SDK1: variants seen among roughly 807,000 people sequenced by gnomAD.
SDK1 encodes the protein sidekick cell adhesion molecule 1.
In SDK1, 157 loss-of-function variants were observed where a neutral mutation model predicts 245.5. The ratio of observed to expected loss-of-function variants is 0.64; its 90% CI spans 0.56 to 0.73. The LOEUF is 0.73. Ranked by LOEUF, SDK1 falls within the 30% of genes least tolerant of loss-of-function variation. The pLI is 0.00. For missense variants in SDK1, 3,583 were observed against 3,002.3 expected, an observed-to-expected ratio of 1.19 and a Z score of -4.52; for synonymous variants, 1,647 against 1,278.5, an observed-to-expected ratio of 1.29 and a Z score of -6.15.
intron 4 of SDK1, among the ~76,000 whole-genome samples, chr7:3,768,251 C>G (rs1052619178): frequency 2.6e-5 from 4 of 152,184 alleles, no homozygotes; most frequent in Non-Finnish European, 5.9e-5. Context: ...TAAGTTGCAA[C>G]AGAAAAACTG....
At chr7:3,653,075 G>T (rs543314070) in intron 4 of SDK1, among the ~76,000 whole-genome samples, 2 of 152,224 alleles carry the variant, frequency 1.3e-5, no homozygotes, top group African/African-American at 4.8e-5. Flanking sequence ...GGAATCTGGT[G>T]ACGCAGATGA....
intron 17 of SDK1, among the ~76,000 whole-genome samples, chr7:4,037,771 G>T (rs1788326175): frequency 6.6e-6 from 1 of 152,146 alleles, no homozygotes; most frequent in African/African-American, 2.4e-5. Flanking sequence ...CAGCTTTATA[G>T]GCCATCTTTT....
chr7:3,679,143 G>T (rs565495037), intron 4 of SDK1, among the ~76,000 whole-genome samples: 6 of 152,342 alleles, frequency 3.9e-5, no homozygotes, highest in African/African-American at 1.4e-4. Context: ...GACAGATGCT[G>T]CAAAGAGGAA....
intron 17 of SDK1, 100 bp from the exon 18 acceptor site, chr7:4,049,248 C>T: frequency 2.5e-6 from 2 of 812,882 alleles, no homozygotes; most frequent in Non-Finnish European, 4.1e-6. Flanking sequence ...CAATAATTGC[C>T]TGTGAGCATG....
intron 1 of SDK1, among the ~76,000 whole-genome samples, chr7:3,614,755 A>G (rs1048950473): frequency 6.6e-6 from 1 of 152,212 alleles, no homozygotes; most frequent in African/African-American, 2.4e-5. Context: ...ACGTGTCGTT[A>G]TGATTTTAAT....
intron 1 of SDK1, among the ~76,000 whole-genome samples, chr7:3,496,681 C>G (rs531498977): frequency 7.9e-5 from 12 of 152,242 alleles, no homozygotes; most frequent in African/African-American, 2.9e-4. Context: ...TGTCTCCTTT[C>G]TTTTTGATGA....
intron 13 of SDK1, among the ~76,000 whole-genome samples, chr7:3,980,708 C>T (rs1249685824): frequency 6.6e-6 from 1 of 152,172 alleles, no homozygotes. Context: ...CTTTGGGAGG[C>T]CGAGGCAGGT....
At chr7:3,511,297 G>A (rs2128611575) in intron 1 of SDK1, among the ~76,000 whole-genome samples, 1 of 152,290 alleles carries the variant, frequency 6.6e-6, no homozygotes, top group Admixed American at 6.5e-5. Context: ...CTTTTTAGAT[G>A]CAGAATAATA....
At chr7:4,223,845 G>A (rs942818335) in intron 40 of SDK1, among the ~76,000 whole-genome samples, 6 of 152,214 alleles carry the variant, frequency 3.9e-5, no homozygotes, top group East Asian at 1.9e-4. Context: ...GAGTACTTTC[G>A]TATGACTTCC....
chr7:3,612,807 G>A (rs1048534530), intron 1 of SDK1, among the ~76,000 whole-genome samples: 16 of 152,032 alleles, frequency 1.1e-4, no homozygotes, highest in African/African-American at 3.6e-4. Context: ...TGGTCCTCCC[G>A]GCTGGACTCG....
At chr7:3,432,061 C>G (rs989937567) in intron 1 of SDK1, among the ~76,000 whole-genome samples, 6 of 150,500 alleles carry the variant, frequency 4.0e-5, no homozygotes, top group Non-Finnish European at 7.4e-5. Context: ...ATGACAATAA[C>G]TCAGTCAGTC....
chr7:3,346,603 C>G (rs1032227755), intron 1 of SDK1, among the ~76,000 whole-genome samples: 4 of 150,206 alleles, frequency 2.7e-5, no homozygotes, highest in African/African-American at 9.8e-5. Context: ...CAGTCTCCAA[C>G]TCGTGCTCAG....
intron 4 of SDK1, among the ~76,000 whole-genome samples, chr7:3,783,087 A>G (rs565865721): frequency 1.3e-5 from 2 of 152,344 alleles, no homozygotes; most frequent in South Asian, 4.1e-4. Context: ...AATAAATGTG[A>G]TATATCACAT....
intron 30 of SDK1, among the ~76,000 whole-genome samples, chr7:4,152,425 G>C (rs1298335788): frequency 6.6e-6 from 1 of 152,144 alleles, no homozygotes; most frequent in African/African-American, 2.4e-5. Flanking sequence ...AGCTTAATTG[G>C]CAGTGTGCTC....
chr7:4,069,464 C>T (rs535198489), intron 20 of SDK1, among the ~76,000 whole-genome samples: 1 of 152,356 alleles, frequency 6.6e-6, no homozygotes, highest in African/African-American at 2.4e-5. Flanking sequence ...GCAGCCGCAC[C>T]CCAAGGTTGA....
intron 1 of SDK1, among the ~76,000 whole-genome samples, chr7:3,500,161 G>C (rs1422743470): frequency 6.6e-6 from 1 of 152,020 alleles, no homozygotes; most frequent in Non-Finnish European, 1.5e-5. Flanking sequence ...GCCGAAATGT[G>C]GGCCTATTCT....
At chr7:3,693,361 A>G (rs1291705446) in intron 4 of SDK1, among the ~76,000 whole-genome samples, 1 of 152,090 alleles carries the variant, frequency 6.6e-6, no homozygotes, top group Non-Finnish European at 1.5e-5. Flanking sequence ...TTACTTCCTC[A>G]TTCTTTGGAC....
chr7:4,128,630 G>A (rs1784547951), intron 26 of SDK1, among the ~76,000 whole-genome samples: 1 of 147,974 alleles, frequency 6.8e-6, no homozygotes, highest in Non-Finnish European at 1.5e-5. Context: ...GCAGCTTGGG[G>A]TTGGGTGCCC....
At chr7:3,414,313 T>A (rs554492426) in intron 1 of SDK1, among the ~76,000 whole-genome samples, 2 of 152,150 alleles carry the variant, frequency 1.3e-5, no homozygotes, top group Non-Finnish European at 1.5e-5. Flanking sequence ...CGGAATGGAC[T>A]GTTTGGCCCA....
Sources: allele counts gnomAD v4.1 joint callset (sites outside exome capture counted in the v4.1 genomes callset), GRCh38; gene constraint gnomAD v4.1.1; transcripts MANE v1.5; gene names NCBI Gene and HGNC (gene_info 2026-07-23, HGNC 2026-07-21).